The following ZNF783 variants were observed in gnomAD, a reference collection of about 807,000 sequenced individuals.
The protein encoded by ZNF783 is zinc finger protein 783.
ZNF783 carries 25 observed loss-of-function variants against 31.3 expected under a neutral mutation model. The observed-to-expected ratio is 0.80, with a 90% CI of 0.58 to 1.11. The LOEUF (loss-of-function observed/expected upper bound fraction) is 1.11, where lower values mean the gene tolerates loss of function less well. Ranked by LOEUF, ZNF783 falls within the 50% of genes most tolerant of loss-of-function variation. The pLI, the probability that ZNF783 is intolerant of heterozygous loss-of-function variation, is 0.00. For missense variants in ZNF783, 797 were observed against 760.0 expected (o/e 1.05, Z -0.57); for synonymous variants, 369 against 319.1 (o/e 1.16, Z -1.66).
chr7:149,280,503 T>C (rs1222329637), intron 5 of ZNF783, among the ~76,000 whole-genome samples: 1 of 152,132 alleles, frequency 6.6e-6, no homozygotes, highest in Non-Finnish European at 1.5e-5. Context: ...TCTATCTCCC[T>C]GGGGACTGTG....
At position 149,276,508 on chromosome 7, in the gene ZNF783, A is replaced by G. The variant is rs1025947516; in HGVS notation, c.674-1891A>G. On this transcript the variant is annotated intron_variant, in intron 4 of 5. Coordinates refer to ENST00000434415, the MANE Select transcript of ZNF783 (RefSeq NM_001195220.2). Reference sequence around the variant, plus strand: ...CTCCCGTACGTAAAGGGGAATCGGTAGCAGTGTTAGCAGGCACAGACTCAA... The same window carrying G: ...CTCCCGTACGTAAAGGGGAATCGGTGGCAGTGTTAGCAGGCACAGACTCAA... 4.1e-6 allele frequency: 4 copies of G among 985,406 alleles called. No homozygotes were observed. In the African/African-American group the frequency reaches 7.0e-5, roughly 17 times the overall value. 61.0% of individuals were successfully genotyped at this position (985,406 alleles called of 1,614,324 possible). A position where few individuals can be genotyped will look rare whatever the true frequency, so the allele number is the denominator to read the frequency against.
chr7:149,273,134 C>T (rs754376120), intron 4 of ZNF783, among the ~76,000 whole-genome samples: 8 of 152,146 alleles, frequency 5.3e-5, no homozygotes, highest in Admixed American at 1.3e-4. Context: ...ACCACCTTTT[C>T]TCTGTCCATT....
intron 5 of ZNF783, 42 bp from the exon 6 acceptor site, chr7:149,281,463 T>G: frequency 2.1e-6 from 3 of 1,407,806 alleles, no homozygotes; most frequent in Non-Finnish European, 1.8e-6. Context: ...GGGGACAGGG[T>G]GGTGAGGTCC....
chr7:149,284,815 G>A lies in ZNF783; in HGVS notation c.*2472G>A, dbSNP rs2129525378. The A allele has an allele frequency of 6.6e-6, 1 of 152,334 alleles. No homozygotes were observed. The highest frequency in any genetic ancestry group is 1.9e-4 in the East Asian group (1 of 5,186). The allele number at this position is 152,334 out of a possible 1,614,324, so 9.4% of individuals were successfully genotyped here. On this transcript the variant is annotated 3_prime_UTR_variant, in exon 6 of 6. Coordinates refer to ENST00000434415, the MANE Select transcript of ZNF783 (RefSeq NM_001195220.2). ...CGAAGCTTTGTGGTGCAGGAGCTGA[G>A]GGTGCCCCAGACTCAGTGGGAGCCC...
Position 149,267,090 on chromosome 7 carries a change from T to C in ZNF783, c.548-7T>C. 1.2e-6 allele frequency: 2 copies of C among 1,601,862 alleles called. No individual in the cohort carries two copies. Among genetic ancestry groups the C allele is most frequent in the East Asian group, 2.2e-5 (1 of 44,878 alleles). On this transcript the variant is annotated splice_polypyrimidine_tract_variant and splice_region_variant and intron_variant, in intron 3 of 5. Coordinates refer to ENST00000434415, the MANE Select transcript of ZNF783 (RefSeq NM_001195220.2). ...CAGCTCTTCCTCATTTCTTGTTCTG[T>C]GCACAGATTATGCAATCTCCAAACC...
At position 149,282,135 on chromosome 7, in the gene ZNF783, C is replaced by G; in HGVS notation, c.1433C>G (p.Pro478Arg). Reference sequence around the variant, plus strand: ...TACTGCGGCAAGGCCTTCCGCCGGCCCTCGGACCTCTTCCGGCACCAGCGC... The same window carrying G: ...TACTGCGGCAAGGCCTTCCGCCGGCGCTCGGACCTCTTCCGGCACCAGCGC... ...CPYCGKAFRRPSDLFRHQRIH... is the reference protein window; with the variant it reads ...CPYCGKAFRRRSDLFRHQRIH... Residue 478 changes from proline to arginine, a missense_variant, in exon 6 of 6, where the codon CCC becomes CGC. Transcript: ENST00000434415. 1 of 1,599,790 alleles carries G rather than the reference C, an allele frequency of 6.3e-7. No homozygotes were observed. The highest frequency in any genetic ancestry group is 1.1e-5 in the South Asian group (1 of 91,028).
At chr7:149,265,454 C>T (rs1563193691) in intron 1 of ZNF783, among the ~76,000 whole-genome samples, 2 of 152,206 alleles carry the variant, frequency 1.3e-5, no homozygotes, top group Non-Finnish European at 2.9e-5. Flanking sequence ...TGCCTTGGTT[C>T]CCGGCAGGGC....
At chr7:149,280,337 G>A (rs930983977) in intron 5 of ZNF783, among the ~76,000 whole-genome samples, 1 of 152,152 alleles carries the variant, frequency 6.6e-6, no homozygotes, top group Non-Finnish European at 1.5e-5. Context: ...ATCCTGCCAG[G>A]CATGGGGCCT....
At chr7:149,267,624 C>T (rs953703041) in intron 4 of ZNF783, among the ~76,000 whole-genome samples, 5 of 152,128 alleles carry the variant, frequency 3.3e-5, no homozygotes, top group Non-Finnish European at 7.3e-5. Context: ...AGTGAAACCC[C>T]TTCTCTAGTA....
chr7:149,267,461 CTGAG>C (rs1166199720), intron 4 of ZNF783, among the ~76,000 whole-genome samples: 2 of 152,236 alleles, frequency 1.3e-5, no homozygotes, highest in Non-Finnish European at 2.9e-5. Flanking sequence ...GTTGTGATGA[CTGAG>C]TGATAAGTGT....
At position 149,266,393 on chromosome 7, in the gene ZNF783, C is replaced by T. The variant is rs778647634; in HGVS notation, c.83C>T (p.Pro28Leu). The change falls in exon 2 of 6, where the codon CCA becomes CTA. Residue 28 changes from proline (P) to leucine (L), a missense_variant. Coordinates refer to ENST00000434415, the MANE Select transcript of ZNF783 (RefSeq NM_001195220.2). ...AGTCCTTCGACACCCTTGCCCCAGC[C>T]AGCTGCTGAGAAGAACTCGTACCTC... is the stretch of plus-strand genomic sequence containing the variant. Reference protein sequence around the residue: ...DQSPSTPLPQPAAEKNSYLYS... With the variant: ...DQSPSTPLPQLAAEKNSYLYS... The T allele has an allele frequency of 4.4e-6, 7 of 1,599,982 alleles. No individual in the cohort carries two copies. In the South Asian group the frequency reaches 6.6e-5, roughly 15 times the overall value.
chr7:149,267,302 C>T (rs1013810383), intron 4 of ZNF783, 80 bp downstream of exon 4: 3 of 1,502,272 alleles, frequency 2.0e-6, no homozygotes, highest in Admixed American at 2.3e-5. Context: ...GCTTCCCAGA[C>T]AATCAGGGAG....
In ZNF783 at chr7:149,266,739, G is replaced by A. The variant is rs765129356; in HGVS notation, c.420+9G>A. 30 of 1,613,482 alleles carry A rather than the reference G, an allele frequency of 1.9e-5. No individual in the cohort carries two copies. The Middle Eastern group carries it at 6.6e-4, about 36-fold the overall frequency. ...AGGGGGAGGCCCCCAAGGTAGCACC[G>A]GGACACCCTGGGGTGGGGGAGCTCG... On this transcript the variant is annotated intron_variant, in intron 2 of 5. Coordinates refer to ENST00000434415, the MANE Select transcript of ZNF783 (RefSeq NM_001195220.2).
At chr7:149,272,240 C>T (rs140149275) in intron 4 of ZNF783, among the ~76,000 whole-genome samples, 2 of 152,228 alleles carry the variant, frequency 1.3e-5, no homozygotes, top group Admixed American at 1.3e-4. Context: ...GTCTCTAACT[C>T]CTGACCTCAA....
rs751436046 is a variant in ZNF783 at position 149,266,475 on chromosome 7, G to A, written c.165G>A (p.Lys55=). ...TGGCCGCCATTCAGGCCTTGGAGAA[G>A]AAGGTGGATTCCTGCCTGACCCGCT... ...TVVAAIQALE[K]KVDSCLTRLL... is the part of the protein sequence containing the mutation. The change falls in exon 2 of 6, where the codon AAG becomes AAA. Residue 55 remains lysine, a synonymous_variant. Transcript: ENST00000434415. 1 of 1,611,972 alleles carries A rather than the reference G, an allele frequency of 6.2e-7. No individual in the cohort carries two copies. Among genetic ancestry groups the A allele is most frequent in the Non-Finnish European group, 8.5e-7 (1 of 1,180,010 alleles).
intron 1 of ZNF783, 22 bp from the exon 2 acceptor site, chr7:149,266,313 T>C: frequency 6.6e-7 from 1 of 1,523,064 alleles, no homozygotes; most frequent in Non-Finnish European, 8.7e-7. Context: ...ATAACATCTC[T>C]CTTTTCTCTT....
intron 4 of ZNF783, among the ~76,000 whole-genome samples, chr7:149,272,008 CT>C (rs1297280127): frequency 1.3e-5 from 2 of 151,934 alleles, no homozygotes; most frequent in Non-Finnish European, 2.9e-5. Flanking sequence ...GCCAACGTAT[CT>C]TTTTTTTAAA....
chr7:149,262,681 C>T (rs1029162682), intron 1 of ZNF783, among the ~76,000 whole-genome samples: 43 of 152,302 alleles, frequency 2.8e-4, no homozygotes, highest in Non-Finnish European at 4.0e-4. Context: ...GCCTCGCGGC[C>T]CCCCCTACAG....
At chr7:149,280,120 G>A (rs568238705) in intron 5 of ZNF783, among the ~76,000 whole-genome samples, 17 of 105,160 alleles carry the variant, frequency 1.6e-4, no homozygotes, top group Admixed American at 1.4e-3. Context: ...CCTCCCTCCC[G>A]GACAGGGCGG....
Sources: allele counts gnomAD v4.1 joint callset (sites outside exome capture counted in the v4.1 genomes callset), GRCh38; gene constraint gnomAD v4.1.1; transcripts MANE v1.5; gene names NCBI Gene and HGNC (gene_info 2026-07-23, HGNC 2026-07-21).